The following R3HDM1 variants were observed in gnomAD, a reference collection of about 807,000 sequenced individuals.
R3HDM1 encodes the protein R3H domain-containing protein 1.
Under a neutral mutation model 141.1 loss-of-function variants are expected in R3HDM1, and 46 were observed. The ratio of observed to expected loss-of-function variants is 0.33; its 90% CI spans 0.26 to 0.42. The LOEUF (loss-of-function observed/expected upper bound fraction) is 0.42. Among genes scored for constraint, R3HDM1 ranks in the 10% least tolerant of loss-of-function variants. The pLI, the probability that R3HDM1 is intolerant of heterozygous loss-of-function variation, is 1.00. For missense variants in R3HDM1, 1,184 were observed against 1,368.3 expected (o/e 0.87, Z 2.12); for synonymous variants, 435 against 472.9 (o/e 0.92, Z 1.04).
At chr2:135,650,484 A>G (rs1234913644) in intron 17 of R3HDM1, 1 of 979,636 alleles carries the variant, frequency 1.0e-6, no homozygotes, top group Non-Finnish European at 1.2e-6. Flanking sequence ...GTGACTGTAA[A>G]GTAATGATAC....
At chr2:135,631,149 A>G (rs1434981708) in intron 7 of R3HDM1, among the ~76,000 whole-genome samples, 2 of 152,150 alleles carry the variant, frequency 1.3e-5, no homozygotes, top group Non-Finnish European at 2.9e-5. Context: ...ACATACTAGT[A>G]TTAGATTCCC....
rs1187842788 is a variant in R3HDM1 at position 135,709,514 on chromosome 2, G to C, written c.2541G>C (p.Gln847His). 1 of 1,614,010 alleles carries C rather than the reference G, an allele frequency of 6.2e-7. No homozygotes were observed. Among genetic ancestry groups the C allele is most frequent in the African/African-American group, 1.3e-5 (1 of 74,910 alleles). The change falls in exon 22 of 27, where the codon CAG (glutamine) becomes CAC (histidine). Residue 847 changes from glutamine (Q) to histidine (H), a missense_variant. Physicochemically the swap from Gln to His is conservative, Grantham distance 24. Around this residue, in one of 5 missense-constraint regions of R3HDM1, gnomAD observed 563 missense variants for 562.0 expected, o/e 1.00. Coordinates refer to ENST00000683871, the MANE Select transcript of R3HDM1 (RefSeq NM_001378107.1). ...CCACTTCACCATGCAGTTCCCAGCAGCTTCAAGGCCACCAATGTACAGGTA... is the reference window on the plus strand; with the variant it reads ...CCACTTCACCATGCAGTTCCCAGCACCTTCAAGGCCACCAATGTACAGGTA... ...PRTTSPCSSQ[Q>H]LQGHQCTAGP...
intron 1 of R3HDM1, among the ~76,000 whole-genome samples, chr2:135,570,278 T>C (rs1007553962): frequency 1.3e-5 from 2 of 152,248 alleles, no homozygotes; most frequent in African/African-American, 4.8e-5. Flanking sequence ...AGTTCAGTTA[T>C]CTCAGTATTA....
intron 14 of R3HDM1, among the ~76,000 whole-genome samples, chr2:135,639,959 C>T (rs559800193): frequency 6.6e-6 from 1 of 152,090 alleles, no homozygotes; most frequent in South Asian, 2.1e-4. Flanking sequence ...ATCAGCTGGG[C>T]GTAATAGCAC....
intron 2 of R3HDM1, 140 bp downstream of exon 2, chr2:135,602,848 C>CTT (rs1193924471): frequency 2.9e-6 from 2 of 678,844 alleles, no homozygotes; most frequent in East Asian, 6.2e-5. Context: ...AACCAATTAA[C>CTT]TTTTGTATGG....
At chr2:135,626,992 T>A (rs1278716778) in intron 7 of R3HDM1, among the ~76,000 whole-genome samples, 4 of 152,218 alleles carry the variant, frequency 2.6e-5, no homozygotes, top group African/African-American at 9.6e-5. Flanking sequence ...TACCTTTTTT[T>A]ATTCCTTCTG....
chr2:135,559,143 G>A (rs1325906236), intron 1 of R3HDM1: 6 of 763,376 alleles, frequency 7.9e-6, no homozygotes, highest in South Asian at 6.4e-5. Context: ...ACAGGGCCTC[G>A]CTTGGTCTCC....
chr2:135,673,890 G>C (rs978522782), intron 19 of R3HDM1, among the ~76,000 whole-genome samples: 1 of 152,104 alleles, frequency 6.6e-6, no homozygotes, highest in Non-Finnish European at 1.5e-5. Flanking sequence ...TTTGAGACAA[G>C]GGTCTTGCGC....
chr2:135,643,535 G>T (rs2064035258), intron 15 of R3HDM1, among the ~76,000 whole-genome samples: 1 of 151,866 alleles, frequency 6.6e-6, no homozygotes, highest in Admixed American at 6.6e-5. Flanking sequence ...CGTAATCATT[G>T]CACAGTTACT....
chr2:135,664,474 G>T (rs2067205344), intron 19 of R3HDM1, among the ~76,000 whole-genome samples: 1 of 151,976 alleles, frequency 6.6e-6, no homozygotes, highest in African/African-American at 2.4e-5. Flanking sequence ...GTTTGTATTT[G>T]AACTTAAAGA....
intron 18 of R3HDM1, among the ~76,000 whole-genome samples, chr2:135,652,824 TA>T (rs1234795158): frequency 6.6e-6 from 1 of 152,210 alleles, no homozygotes; most frequent in Non-Finnish European, 1.5e-5. Flanking sequence ...TTAGTAGATA[TA>T]AAATGATTCC....
At chr2:135,566,096 T>C (rs1303218157) in intron 1 of R3HDM1, among the ~76,000 whole-genome samples, 2 of 152,208 alleles carry the variant, frequency 1.3e-5, no homozygotes, top group Admixed American at 1.3e-4. Flanking sequence ...ACAGATATAT[T>C]TGAAACTTAA....
chr2:135,560,375 G>C (rs1251284853), intron 1 of R3HDM1, among the ~76,000 whole-genome samples: 1 of 152,166 alleles, frequency 6.6e-6, no homozygotes, highest in Non-Finnish European at 1.5e-5. Flanking sequence ...GAGTGCAGTG[G>C]CGCTGTCTCG....
chr2:135,604,904 A>G lies in R3HDM1; in HGVS notation c.59A>G (p.Glu20Gly). 6.2e-7 allele frequency: 1 copy of G among 1,610,898 alleles called. No homozygotes were observed. Among genetic ancestry groups the G allele is most frequent in the Non-Finnish European group, 8.5e-7 (1 of 1,177,384 alleles). ...KDETATMKDL[E>G]AEVKDTTRVE... is the part of the protein sequence containing the mutation. ...GAAACTGCAACAATGAAGGATTTGG[A>G]GGCAGAAGTGAAAGATACAACCAGA... The change falls in exon 3 of 27, where the codon GAG becomes GGG. Residue 20 changes from glutamate to glycine, a missense_variant. Transcript: ENST00000683871.
chr2:135,552,980 G>A (rs779777232), intron 1 of R3HDM1, among the ~76,000 whole-genome samples: 21 of 151,992 alleles, frequency 1.4e-4, no homozygotes, highest in Admixed American at 2.6e-4. Flanking sequence ...TTGGGCTCAA[G>A]CGATCCACCT....
chr2:135,645,247 GTTT>G (rs2064266978), intron 15 of R3HDM1, 129 bp from the exon 16 acceptor site: 1 of 767,370 alleles, frequency 1.3e-6, no homozygotes, highest in Non-Finnish European at 2.0e-6. Context: ...GGAAATCTTT[GTTT>G]TCAAATATTA....
chr2:135,619,220 T>G (rs536704379), intron 5 of R3HDM1, among the ~76,000 whole-genome samples: 1 of 152,150 alleles, frequency 6.6e-6, no homozygotes, highest in Non-Finnish European at 1.5e-5. Flanking sequence ...CATAAATCTG[T>G]TAATACAGAG....
At chr2:135,537,142 TG>T (rs1696322999) in intron 1 of R3HDM1, among the ~76,000 whole-genome samples, 1 of 149,524 alleles carries the variant, frequency 6.7e-6, no homozygotes, top group African/African-American at 2.5e-5. Flanking sequence ...TTTGTTACCT[TG>T]CCCCTCAGTG....
intron 1 of R3HDM1, among the ~76,000 whole-genome samples, chr2:135,569,351 C>T (rs898745635): frequency 4.6e-5 from 7 of 151,818 alleles, no homozygotes; most frequent in East Asian, 1.9e-4. Context: ...GGCATGGTGG[C>T]GCACGCCTGT....
Sources: gnomAD v4.1 joint callset for allele counts (sites outside exome capture counted in the v4.1 genomes callset) on GRCh38, gnomAD v4.1.1 for gene constraint, gnomAD v4.1.1 regional missense constraint, MANE v1.5 for transcripts, NCBI Gene and HGNC (gene_info 2026-07-23, HGNC 2026-07-21) for gene names.